Variants in RAPGEF6 observed in about 807,000 individuals in gnomAD.
The protein encoded by RAPGEF6 is PDZ domain containing guanine nucleotide exchange factor (GEF) 2.
In RAPGEF6, 56 loss-of-function variants were observed where a neutral mutation model predicts 171.4. The observed-to-expected ratio is 0.33, with a 90% CI of 0.26 to 0.41. RAPGEF6 has a LOEUF of 0.41. Ranked by LOEUF, RAPGEF6 falls within the 10% of genes least tolerant of loss-of-function variation. The pLI, the probability that RAPGEF6 is intolerant of heterozygous loss-of-function variation, is 1.00. For missense variants in RAPGEF6, 1,674 were observed against 1,921.4 expected (o/e 0.87, Z 2.41); for synonymous variants, 692 against 650.1 (o/e 1.06, Z -0.98).
intron 3 of RAPGEF6, 123 bp downstream of exon 3, chr5:131,603,148 G>T: frequency 1.4e-6 from 1 of 731,292 alleles, no homozygotes; most frequent in Non-Finnish European, 2.3e-6. Context: ...TATACTTCAT[G>T]GTCTATGAAT....
chr5:131,494,574 T>C (rs989885248), intron 13 of RAPGEF6, among the ~76,000 whole-genome samples: 16 of 152,170 alleles, frequency 1.1e-4, no homozygotes, highest in African/African-American at 2.4e-4. Flanking sequence ...GGCTATAATC[T>C]AGGGTACACA....
At chr5:131,564,662 C>T (rs940879288) in intron 4 of RAPGEF6, among the ~76,000 whole-genome samples, 2 of 151,792 alleles carry the variant, frequency 1.3e-5, no homozygotes, top group African/African-American at 4.8e-5. Context: ...AATCCATAAC[C>T]AAGAGAAAAA....
chr5:131,586,162 A>G (rs1213000471), intron 4 of RAPGEF6, among the ~76,000 whole-genome samples: 1 of 152,226 alleles, frequency 6.6e-6, no homozygotes, highest in Non-Finnish European at 1.5e-5. Flanking sequence ...TAGAATTAAG[A>G]GCTCATGTTC....
intron 7 of RAPGEF6, among the ~76,000 whole-genome samples, chr5:131,520,671 C>T (rs367906621): frequency 3.1e-4 from 47 of 152,258 alleles, no homozygotes; most frequent in African/African-American, 1.1e-3. Context: ...ACAAAATCAA[C>T]CACTGGGCTC....
chr5:131,499,169 T>G (rs1756843035), intron 11 of RAPGEF6, among the ~76,000 whole-genome samples: 1 of 152,280 alleles, frequency 6.6e-6, no homozygotes, highest in Non-Finnish European at 1.5e-5. Flanking sequence ...TTTCTACAGT[T>G]CCTCTCATAC....
chr5:131,500,247 C>G (rs10067982), intron 11 of RAPGEF6, among the ~76,000 whole-genome samples: 118,785 of 152,128 alleles, frequency 0.78, 46,722 homozygotes, highest in African/African-American at 0.84. Context: ...CTAGAAGGAA[C>G]TCAGAAACAA....
chr5:131,593,336 A>T (rs1171252160), intron 3 of RAPGEF6, among the ~76,000 whole-genome samples: 1 of 152,222 alleles, frequency 6.6e-6, no homozygotes, highest in Admixed American at 6.5e-5. Context: ...TATTCTTCAC[A>T]ACAAAGTTTC....
At chr5:131,496,371 T>C (rs1319215039) in intron 12 of RAPGEF6, among the ~76,000 whole-genome samples, 1 of 152,170 alleles carries the variant, frequency 6.6e-6, no homozygotes. Context: ...AGAATCCACA[T>C]AAAATTCATC....
chr5:131,493,103 C>G (rs569227182), intron 13 of RAPGEF6, among the ~76,000 whole-genome samples: 1 of 152,138 alleles, frequency 6.6e-6, no homozygotes, highest in African/African-American at 2.4e-5. Context: ...CTCGCTCTGT[C>G]GCCCAGGCTG....
chr5:131,541,640 C>A (rs1760161674), intron 6 of RAPGEF6, among the ~76,000 whole-genome samples: 1 of 151,886 alleles, frequency 6.6e-6, no homozygotes, highest in Non-Finnish European at 1.5e-5. Flanking sequence ...TAGGCATGAG[C>A]CACTGCATTT....
intron 6 of RAPGEF6, among the ~76,000 whole-genome samples, chr5:131,532,743 T>C (rs574652005): frequency 2.0e-4 from 31 of 152,242 alleles, no homozygotes; most frequent in African/African-American, 7.2e-4. Context: ...TCCTGTAGAA[T>C]GTCTAAGAAT....
rs750987928 is a variant in RAPGEF6, at chr5:131,498,458, G to A, written c.1404C>T (p.Asp468=). Reference sequence around the variant, plus strand: ...TAAAACCAACCTTATCTCTTAAGCTGTCGATCTTAAACCATTCCAATAGTT... The same window carrying A: ...TAAAACCAACCTTATCTCTTAAGCTATCGATCTTAAACCATTCCAATAGTT... ...GIKLLEWFKI[D]SLRDKVTRIV... Residue 468 remains aspartate (D), a synonymous_variant, in exon 12 of 28, where the codon GAC becomes GAT. Coordinates refer to ENST00000509018, the MANE Select transcript of RAPGEF6 (RefSeq NM_016340.6). 6.2e-7 allele frequency: 1 copy of A among 1,606,236 alleles called. No individual in the cohort carries two copies.
At chr5:131,634,676 A>C (rs532592150) in intron 1 of RAPGEF6, among the ~76,000 whole-genome samples, 1 of 152,334 alleles carries the variant, frequency 6.6e-6, no homozygotes, top group South Asian at 2.1e-4. Context: ...TGCGAAACTC[A>C]TATTACCCAA....
intron 5 of RAPGEF6, among the ~76,000 whole-genome samples, chr5:131,559,618 T>A (rs1207438609): frequency 6.6e-6 from 1 of 151,214 alleles, no homozygotes; most frequent in Non-Finnish European, 1.5e-5. Context: ...AGGTCAAGAG[T>A]TCGAGATCAG....
At chr5:131,463,680 C>A in intron 18 of RAPGEF6, 1 of 882,944 alleles carries the variant, frequency 1.1e-6, no homozygotes, top group Non-Finnish European at 1.4e-6. Context: ...TTAAAATTTT[C>A]CTGCATATTC....
intron 4 of RAPGEF6, among the ~76,000 whole-genome samples, chr5:131,588,692 G>A (rs548234368): frequency 1.3e-5 from 2 of 152,140 alleles, no homozygotes; most frequent in African/African-American, 2.4e-5. Context: ...GAGGTGAGCC[G>A]AGACTGAGCC....
intron 19 of RAPGEF6, among the ~76,000 whole-genome samples, chr5:131,459,253 T>A (rs1753736805): frequency 6.6e-6 from 1 of 152,206 alleles, no homozygotes; most frequent in South Asian, 2.1e-4. Flanking sequence ...GAAGAAGTCA[T>A]TTGGAACAAA....
chr5:131,448,839 T>G (rs952266494), intron 21 of RAPGEF6, among the ~76,000 whole-genome samples: 1 of 152,212 alleles, frequency 6.6e-6, no homozygotes, highest in Non-Finnish European at 1.5e-5. Context: ...CCAAGTATTC[T>G]TCTTTATAAT....
At chr5:131,614,281 C>CAAAA (rs386404987) in intron 1 of RAPGEF6, among the ~76,000 whole-genome samples, 2,326 of 80,682 alleles carry the variant, frequency 0.029, 183 homozygotes, top group African/African-American at 0.076. Context: ...GACTCTGTCT[C>CAAAA]AAAAAAAAAA....
Sources: allele counts gnomAD v4.1 joint callset (sites outside exome capture counted in the v4.1 genomes callset), GRCh38; gene constraint gnomAD v4.1.1; transcripts MANE v1.5; gene names NCBI Gene and HGNC (gene_info 2026-07-23, HGNC 2026-07-21).